The following SLC26A8 variants were observed in gnomAD, a reference collection of about 807,000 sequenced individuals.
SLC26A8 encodes the protein solute carrier family 26 member 8, also known as testis anion transporter 1.
SLC26A8 carries 70 observed loss-of-function variants against 105.0 expected under a neutral mutation model. That is an observed-to-expected ratio of 0.67 (90% confidence interval 0.55 to 0.81). The LOEUF (loss-of-function observed/expected upper bound fraction) is 0.81. SLC26A8 is among the 40% of genes least tolerant of loss of function. The probability of loss-of-function intolerance (pLI) is 0.00; values close to 1 mark genes in which losing one functional copy is unlikely to be tolerated. For synonymous variants in SLC26A8, 415 were observed against 438.3 expected (o/e 0.95, Z 0.66); for missense variants, 998 against 1,181.8 (o/e 0.84, Z 2.28).
At chr6:36,018,687 AC>A (rs1762054273) in intron 2 of SLC26A8, among the ~76,000 whole-genome samples, 1 of 152,240 alleles carries the variant, frequency 6.6e-6, no homozygotes, top group Non-Finnish European at 1.5e-5. Flanking sequence ...ACAATAAAAA[AC>A]ATTTAAAAAA....
chr6:35,994,567 T>G (rs1761294275), intron 5 of SLC26A8, among the ~76,000 whole-genome samples: 1 of 148,220 alleles, frequency 6.7e-6, no homozygotes. Context: ...CCAATCCATG[T>G]GCATCATCTC....
chr6:35,970,268 C>T (rs114586887), intron 10 of SLC26A8, among the ~76,000 whole-genome samples: 285 of 152,226 alleles, frequency 1.9e-3, no homozygotes, highest in African/African-American at 6.7e-3. Context: ...CACTGGGTTC[C>T]CTCTCGCTAC....
At position 35,980,681 on chromosome 6, in the gene SLC26A8, G is replaced by A. The variant is rs896500213; in HGVS notation, c.1025+1440C>T. On this transcript the variant is annotated intron_variant, in intron 8 of 19. Coordinates refer to ENST00000490799, the MANE Select transcript of SLC26A8 (RefSeq NM_052961.4). ...ATCGTCAGATTTCATTGAGAACTGGGTAGGTTATGAGACTAGTTCAAACTG... is the reference window on the plus strand; with the variant it reads ...ATCGTCAGATTTCATTGAGAACTGGATAGGTTATGAGACTAGTTCAAACTG... 2.0e-5 allele frequency among the ~76,000 whole-genome samples: 3 copies of A among 152,198 alleles called. No individual in the cohort carries two copies. In the East Asian group the frequency reaches 5.8e-4, roughly 29 times the overall value.
intron 2 of SLC26A8, among the ~76,000 whole-genome samples, chr6:36,013,860 C>T (rs602932): frequency 0.29 from 43,983 of 152,114 alleles, 6,898 homozygotes; most frequent in African/African-American, 0.43. Context: ...TTTACTGTTA[C>T]AACTATGGCA....
intron 1 of SLC26A8, among the ~76,000 whole-genome samples, chr6:36,020,895 A>G (rs1184468818): frequency 6.6e-6 from 1 of 152,246 alleles, no homozygotes; most frequent in Non-Finnish European, 1.5e-5. Flanking sequence ...AGATAAGTTT[A>G]ATGTGTCAGC....
intron 4 of SLC26A8, among the ~76,000 whole-genome samples, chr6:35,999,537 T>G (rs1761459653): frequency 6.6e-6 from 1 of 152,226 alleles, no homozygotes; most frequent in Admixed American, 6.5e-5. Flanking sequence ...AGGGAAGTAC[T>G]TATCCTATGG....
intron 9 of SLC26A8, among the ~76,000 whole-genome samples, 161 bp downstream of exon 9, chr6:35,977,043 A>G (rs1773064692): frequency 6.6e-6 from 1 of 152,130 alleles, no homozygotes; most frequent in Non-Finnish European, 1.5e-5. Flanking sequence ...AAGTGCCCTC[A>G]AAGTTAAGTA....
At chr6:35,945,030 A>G (rs2127283154) in intron 19 of SLC26A8, among the ~76,000 whole-genome samples, 1 of 152,112 alleles carries the variant, frequency 6.6e-6, no homozygotes, top group Admixed American at 6.6e-5. Flanking sequence ...TTATATTTTT[A>G]GTAGAGACAG....
intron 19 of SLC26A8, among the ~76,000 whole-genome samples, chr6:35,948,889 G>C (rs1189053384): frequency 1.3e-5 from 2 of 152,138 alleles, no homozygotes; most frequent in Non-Finnish European, 2.9e-5. Flanking sequence ...AAAAGGGCTG[G>C]AGGGCTAGCA....
At chr6:36,009,397 A>C (rs546469396) in intron 3 of SLC26A8, among the ~76,000 whole-genome samples, 40 of 152,136 alleles carry the variant, frequency 2.6e-4, no homozygotes, top group Non-Finnish European at 4.1e-4. Flanking sequence ...CCTGCACATG[A>C]ATGTTCATAT....
intron 3 of SLC26A8, among the ~76,000 whole-genome samples, chr6:36,005,038 G>A (rs1761647605): frequency 6.6e-6 from 1 of 152,042 alleles, no homozygotes; most frequent in Non-Finnish European, 1.5e-5. Flanking sequence ...ACTAACCAAT[G>A]CTGGGAAGGT....
intron 19 of SLC26A8, among the ~76,000 whole-genome samples, chr6:35,945,253 T>G (rs144798552): frequency 3.3e-4 from 50 of 152,338 alleles, no homozygotes; most frequent in African/African-American, 1.1e-3. Flanking sequence ...GGTTTCTCAG[T>G]TACTCACTAT....
intron 7 of SLC26A8, among the ~76,000 whole-genome samples, chr6:35,991,206 G>A (rs989025404): frequency 1.3e-5 from 2 of 151,560 alleles, no homozygotes; most frequent in East Asian, 1.9e-4. Flanking sequence ...TTTGCGACCG[G>A]CCTGGCCAAC....
At position 35,981,584 on chromosome 6, in the gene SLC26A8, C is replaced by A. The variant is rs990984271; in HGVS notation, c.1025+537G>T. On this transcript the variant is annotated intron_variant, in intron 8 of 19. Coordinates refer to ENST00000490799, the MANE Select transcript of SLC26A8 (RefSeq NM_052961.4). The surrounding 1 kb of genome is among the most constrained non-coding windows in gnomAD (Gnocchi z 4.0). ...GGAGGATCACTTGAGCCTGAGAATT[C>A]AAGGCTGCAGTGAGCCATGATTGCG... 6.6e-6 allele frequency among the ~76,000 whole-genome samples: 1 copy of A among 152,118 alleles called. No homozygotes were observed. Among genetic ancestry groups the A allele is most frequent in the Admixed American group, 6.6e-5 (1 of 15,266 alleles).
chr6:36,002,116 T>C (rs76126496), intron 3 of SLC26A8, among the ~76,000 whole-genome samples: 15,465 of 152,236 alleles, frequency 0.1, 922 homozygotes, highest in Middle Eastern at 0.15. Context: ...AAGGCTCTAT[T>C]GATTGCAAGT....
At chr6:35,975,819 A>G (rs1305002026) in intron 9 of SLC26A8, among the ~76,000 whole-genome samples, 1 of 150,660 alleles carries the variant, frequency 6.6e-6, no homozygotes. Context: ...AGTCTGAGGC[A>G]GGAGAATCGC....
At chr6:35,951,101 A>ACCCCACCCCCCCCCGCCC in intron 19 of SLC26A8, 62 bp downstream of exon 19, 1 of 1,072,412 alleles carries the variant, frequency 9.3e-7, no homozygotes, top group Non-Finnish European at 1.3e-6. Context: ...ACCACCCCTC[A>ACCCCACCCCCCCCCGCCC]CCCATCCCCC....
rs183234233 is a variant in SLC26A8 at position 36,008,820 on chromosome 6, A to C, written c.328+3413T>G. On this transcript the variant is annotated intron_variant, in intron 3 of 19. Coordinates refer to ENST00000490799, the MANE Select transcript of SLC26A8 (RefSeq NM_052961.4). Reference sequence around the variant, plus strand: ...CAATGCAAACTAAAACCATAATGAGATATCACTACATGACTATCAGAATAG... The same window carrying C: ...CAATGCAAACTAAAACCATAATGAGCTATCACTACATGACTATCAGAATAG... Among the ~76,000 whole-genome samples, 734 of 152,354 alleles carry C rather than the reference A, an allele frequency of 4.8e-3. 6 individuals are homozygous for C. The highest frequency in any genetic ancestry group is 8.1e-3 in the Non-Finnish European group (550 of 68,034).
intron 7 of SLC26A8, among the ~76,000 whole-genome samples, chr6:35,985,853 T>C (rs1773498556): frequency 6.6e-6 from 1 of 151,766 alleles, no homozygotes; most frequent in Non-Finnish European, 1.5e-5. Context: ...ATACACATTG[T>C]TTCCCGAGCT....
Sources: gnomAD v4.1 joint callset for allele counts (sites outside exome capture counted in the v4.1 genomes callset) on GRCh38, gnomAD v4.1.1 for gene constraint, Gnocchi (gnomAD v3.1) non-coding constraint, MANE v1.5 for transcripts, NCBI Gene and HGNC (gene_info 2026-07-23, HGNC 2026-07-21) for gene names.